Variants in MEIKIN observed in about 807,000 individuals in gnomAD.
MEIKIN encodes the protein meiotic kinetochore factor, also known as meiosis-specific kinetochore protein.
intron 11 of MEIKIN, among the ~76,000 whole-genome samples, chr5:131,845,803 T>C (rs980016380): frequency 1.3e-5 from 2 of 151,954 alleles, no homozygotes; most frequent in African/African-American, 4.8e-5. Flanking sequence ...TGGGACACCA[T>C]CAAGCAAACC....
intron 9 of MEIKIN, among the ~76,000 whole-genome samples, chr5:131,874,827 A>G (rs1750581714): frequency 1.3e-5 from 2 of 152,194 alleles, no homozygotes; most frequent in African/African-American, 2.4e-5. Flanking sequence ...CTGGGATGCA[A>G]GGCTGGTTCA....
intron 8 of MEIKIN, among the ~76,000 whole-genome samples, 160 bp downstream of exon 8, chr5:131,911,655 A>G (rs1246265561): frequency 6.6e-6 from 1 of 151,902 alleles, no homozygotes; most frequent in Non-Finnish European, 1.5e-5. Context: ...GATCCCACAT[A>G]TCTTCATTTC....
intron 9 of MEIKIN, among the ~76,000 whole-genome samples, chr5:131,867,328 T>C (rs1218005538): frequency 6.6e-6 from 1 of 152,182 alleles, no homozygotes; most frequent in Non-Finnish European, 1.5e-5. Context: ...TCCTATACAA[T>C]AGTGGTCTAT....
intron 11 of MEIKIN, among the ~76,000 whole-genome samples, chr5:131,835,717 C>G (rs1749794122): frequency 6.6e-6 from 1 of 152,208 alleles, no homozygotes; most frequent in Non-Finnish European, 1.5e-5. Context: ...CCTCAGCCTC[C>G]TGAGTAGCTG....
At chr5:131,938,299 C>G (rs928233321) in intron 4 of MEIKIN, among the ~76,000 whole-genome samples, 4 of 151,508 alleles carry the variant, frequency 2.6e-5, no homozygotes, top group African/African-American at 9.7e-5. Context: ...TTCCGAGTAG[C>G]TGAGATTAGA....
intron 5 of MEIKIN, among the ~76,000 whole-genome samples, chr5:131,929,795 T>C (rs1398997408): frequency 6.6e-6 from 1 of 152,224 alleles, no homozygotes; most frequent in Non-Finnish European, 1.5e-5. Context: ...TGGTTTTCTG[T>C]TCCTGCATTA....
At chr5:131,846,679 G>A (rs1008010973) in intron 11 of MEIKIN, among the ~76,000 whole-genome samples, 5 of 152,100 alleles carry the variant, frequency 3.3e-5, no homozygotes, top group South Asian at 4.1e-4. Context: ...AAATTAGCTG[G>A]ACGTGGTTGT....
Position 131,899,028 on chromosome 5 carries a change from G to A in MEIKIN, c.703+12787C>T, listed in dbSNP as rs1184550768. ...TGTGTCGATCACGCTGGGAGCTGCA[G>A]ACCGGGGCTGTTCCTGTTCAGCCAT... On this transcript the variant is annotated intron_variant, in intron 8 of 12. Transcript: ENST00000442687. 2.6e-5 allele frequency among the ~76,000 whole-genome samples: 4 copies of A among 152,016 alleles called. No individual in the cohort carries two copies. In the East Asian group the frequency reaches 7.7e-4, roughly 29 times the overall value.
rs552043655 is a variant in MEIKIN, at chr5:131,872,263, G to A, written c.774+6715C>T. 3.2e-4 allele frequency among the ~76,000 whole-genome samples: 49 copies of A among 152,028 alleles called. 1 individual carries two copies. Among genetic ancestry groups the A allele is most frequent in the Admixed American group, 2.8e-3 (42 of 15,272 alleles). On this transcript the variant is annotated intron_variant, in intron 9 of 12. Transcript: ENST00000442687. ...TAAAAACTTCGAAAAAAAATTAGAC[G>A]AATGGATAACTAGAATAACCAATGC...
intron 11 of MEIKIN, among the ~76,000 whole-genome samples, chr5:131,836,507 C>T (rs969904631): frequency 1.3e-5 from 2 of 152,192 alleles, no homozygotes; most frequent in Admixed American, 1.3e-4. Context: ...AATTTACACT[C>T]GCAATAACAG....
chr5:131,909,303 G>C (rs2149642548), intron 8 of MEIKIN, among the ~76,000 whole-genome samples: 1 of 152,122 alleles, frequency 6.6e-6, no homozygotes, highest in African/African-American at 2.4e-5. Flanking sequence ...AGGTGCCAAG[G>C]ACATTCTTTG....
intron 12 of MEIKIN, 63 bp downstream of exon 12, chr5:131,818,676 AT>A (rs1249683135): frequency 2.6e-6 from 1 of 390,500 alleles, no homozygotes; most frequent in Non-Finnish European, 4.5e-6. Flanking sequence ...TACATAAGGC[AT>A]TTTTAATGAA....
At chr5:131,831,451 G>A (rs1749713811) in intron 11 of MEIKIN, among the ~76,000 whole-genome samples, 1 of 152,126 alleles carries the variant, frequency 6.6e-6, no homozygotes, top group Non-Finnish European at 1.5e-5. Context: ...TAGCTACTCA[G>A]GAGGCTGAAG....
chr5:131,942,218 T>C (rs1219185408), intron 4 of MEIKIN, among the ~76,000 whole-genome samples: 1 of 152,234 alleles, frequency 6.6e-6, no homozygotes, highest in Non-Finnish European at 1.5e-5. Flanking sequence ...CTACTCTCTG[T>C]ACTGCAGTCA....
chr5:131,829,237 TTAAA>T (rs1397743874), intron 11 of MEIKIN, among the ~76,000 whole-genome samples: 5 of 152,180 alleles, frequency 3.3e-5, no homozygotes, highest in East Asian at 1.9e-4. Flanking sequence ...TCTAGCCAAC[TTAAA>T]TAATCAATCA....
At chr5:131,859,037 C>T (rs185838388) in intron 9 of MEIKIN, among the ~76,000 whole-genome samples, 15 of 152,220 alleles carry the variant, frequency 9.9e-5, no homozygotes, top group African/African-American at 2.2e-4. Flanking sequence ...AAGAACTCAA[C>T]GCAGAACTAC....
At chr5:131,939,321 G>T (rs986859158) in intron 4 of MEIKIN, among the ~76,000 whole-genome samples, 1 of 150,194 alleles carries the variant, frequency 6.7e-6, no homozygotes, top group African/African-American at 2.4e-5. Context: ...CCTTTAGCCT[G>T]AATCAGTTTG....
intron 8 of MEIKIN, among the ~76,000 whole-genome samples, chr5:131,892,744 T>C (rs913463162): frequency 2.6e-5 from 4 of 152,236 alleles, no homozygotes; most frequent in African/African-American, 9.6e-5. Context: ...CCAGCTTTGT[T>C]CCATTGCTGG....
At chr5:131,923,629 A>G (rs1751543163) in intron 5 of MEIKIN, among the ~76,000 whole-genome samples, 1 of 150,250 alleles carries the variant, frequency 6.7e-6, no homozygotes, top group Non-Finnish European at 1.5e-5. Flanking sequence ...CATTGTTCTT[A>G]GAACAGCCTC....
Sources: gnomAD v4.1 joint callset for allele counts (sites outside exome capture counted in the v4.1 genomes callset) on GRCh38, gnomAD v4.1.1 for gene constraint, MANE v1.5 for transcripts, NCBI Gene and HGNC (gene_info 2026-07-23, HGNC 2026-07-21) for gene names.